The following RAB38 variants were observed in gnomAD, a reference collection of about 807,000 sequenced individuals.
The protein encoded by RAB38 is ras-related protein Rab-38.
Under a neutral mutation model 18.4 loss-of-function variants are expected in RAB38, and 15 were observed. The observed-to-expected ratio is 0.82, with a 90% CI of 0.55 to 1.26. The LOEUF (loss-of-function observed/expected upper bound fraction) is 1.26, where lower values mean the gene tolerates loss of function less well. RAB38 is among the 50% of genes most tolerant of loss of function. The pLI is 0.00. For missense variants in RAB38, 294 were observed against 267.4 expected, an observed-to-expected ratio of 1.10 and a Z score of -0.69; for synonymous variants, 101 against 104.4, an observed-to-expected ratio of 0.97 and a Z score of 0.20.
chr11:88,054,396 G>C, the RAB38 span, among the ~76,000 whole-genome samples: 1 of 152,140 alleles, frequency 6.6e-6, no homozygotes, highest in Admixed American at 6.5e-5. Flanking sequence ...AATTAACTTT[G>C]ACACACCTCA....
chr11:87,811,145 G>A, the RAB38 span, among the ~76,000 whole-genome samples: 28 of 152,292 alleles, frequency 1.8e-4, no homozygotes, highest in African/African-American at 5.3e-4. Flanking sequence ...CCTGGGAACT[G>A]AGCACACGCA....
At chr11:87,861,605 A>G in the RAB38 span, among the ~76,000 whole-genome samples, 1 of 151,810 alleles carries the variant, frequency 6.6e-6, no homozygotes, top group Admixed American at 6.6e-5. Flanking sequence ...AAAAAGTGAT[A>G]CTATCTGATT....
At chr11:88,145,153 T>C (rs565791531) in intron 2 of RAB38, among the ~76,000 whole-genome samples, 23 of 152,162 alleles carry the variant, frequency 1.5e-4, no homozygotes, top group African/African-American at 5.5e-4. Context: ...TCTCTCTTTT[T>C]TTTTTTGTGG....
chr11:87,836,440 G>A, the RAB38 span, among the ~76,000 whole-genome samples: 1 of 151,820 alleles, frequency 6.6e-6, no homozygotes, highest in African/African-American at 2.4e-5. Context: ...TAATCATGGT[G>A]TGCTGTTGAC....
chr11:88,138,119 A>G (rs1242012320), intron 2 of RAB38, among the ~76,000 whole-genome samples: 3 of 152,310 alleles, frequency 2.0e-5, no homozygotes, highest in South Asian at 2.1e-4. Context: ...ATGTCAAAGC[A>G]CAGTCCCAGG....
chr11:87,886,953 C>T, the RAB38 span, among the ~76,000 whole-genome samples: 2 of 151,446 alleles, frequency 1.3e-5, no homozygotes, highest in Admixed American at 1.3e-4. Context: ...CCATTTTCAT[C>T]AGCCAGCATA....
At chr11:87,873,341 A>G in the RAB38 span, among the ~76,000 whole-genome samples, 1 of 151,690 alleles carries the variant, frequency 6.6e-6, no homozygotes, top group East Asian at 2.0e-4. Context: ...CATATTTTGG[A>G]TAACAGTCCC....
the RAB38 span, among the ~76,000 whole-genome samples, chr11:87,921,325 G>C: frequency 3.3e-5 from 5 of 151,936 alleles, no homozygotes; most frequent in South Asian, 8.3e-4. Context: ...GCTCCCAGTC[G>C]TTCAGCCATG....
At chr11:88,127,807 A>G (rs1333352023) in intron 2 of RAB38, among the ~76,000 whole-genome samples, 1 of 152,060 alleles carries the variant, frequency 6.6e-6, no homozygotes, top group East Asian at 1.9e-4. Flanking sequence ...CTGCTAACCA[A>G]CCTCCTAGGT....
the RAB38 span, among the ~76,000 whole-genome samples, chr11:87,968,549 G>A: frequency 4.6e-5 from 7 of 152,020 alleles, no homozygotes; most frequent in Non-Finnish European, 8.8e-5. Context: ...AGCTTCAAGT[G>A]TACAGATACA....
At chr11:88,114,504 C>A (rs2134767476) in intron 2 of RAB38, among the ~76,000 whole-genome samples, 1 of 152,240 alleles carries the variant, frequency 6.6e-6, no homozygotes, top group Non-Finnish European at 1.5e-5. Flanking sequence ...TGCCCTCTGC[C>A]ACATACTATT....
At chr11:87,971,935 T>A in the RAB38 span, among the ~76,000 whole-genome samples, 1 of 137,020 alleles carries the variant, frequency 7.3e-6, no homozygotes, top group South Asian at 2.4e-4. Flanking sequence ...TTTTTTTTTT[T>A]AAAGCTATTT....
At chr11:88,128,417 C>T (rs151075667) in intron 2 of RAB38, among the ~76,000 whole-genome samples, 2 of 152,316 alleles carry the variant, frequency 1.3e-5, no homozygotes, top group Non-Finnish European at 2.9e-5. Context: ...TCATCATCTA[C>T]AGCAAGTGAA....
At chr11:88,114,281 AT>A (rs1942518377) in intron 2 of RAB38, 141 bp from the exon 3 acceptor site, 2 of 888,778 alleles carry the variant, frequency 2.3e-6, no homozygotes, top group Non-Finnish European at 3.4e-6. Context: ...CCTCACTCTT[AT>A]TTGTTCCTTC....
chr11:87,908,205 A>G, the RAB38 span, among the ~76,000 whole-genome samples: 1 of 151,970 alleles, frequency 6.6e-6, no homozygotes, highest in Non-Finnish European at 1.5e-5. Context: ...GATTGGATTT[A>G]CAGATTAGCA....
chr11:88,107,378 C>T, the RAB38 span, among the ~76,000 whole-genome samples: 3 of 151,918 alleles, frequency 2.0e-5, no homozygotes, highest in Admixed American at 6.6e-5. Context: ...AAATATCTAC[C>T]ATTTTTTACC....
chr11:88,064,182 G>A, the RAB38 span, among the ~76,000 whole-genome samples: 1 of 152,192 alleles, frequency 6.6e-6, no homozygotes, highest in South Asian at 2.1e-4. Flanking sequence ...ATCTTATGGA[G>A]ATGGTGAATG....
At chr11:88,030,422 A>G in the RAB38 span, among the ~76,000 whole-genome samples, 1 of 152,220 alleles carries the variant, frequency 6.6e-6, no homozygotes, top group Admixed American at 6.5e-5. Context: ...ACTCTTCAAA[A>G]AATTATTGAA....
At chr11:88,060,538 C>A in the RAB38 span, among the ~76,000 whole-genome samples, 1 of 152,140 alleles carries the variant, frequency 6.6e-6, no homozygotes, top group Admixed American at 6.5e-5. Context: ...GTAGAGAGGT[C>A]AAGCAACTTG....
Sources: allele counts gnomAD v4.1 joint callset (sites outside exome capture counted in the v4.1 genomes callset), GRCh38; gene constraint gnomAD v4.1.1; transcripts MANE v1.5; gene names NCBI Gene and HGNC (gene_info 2026-07-23, HGNC 2026-07-21).